ADAM32: variants seen among roughly 807,000 people sequenced by gnomAD.
ADAM32 encodes the protein ADAM metallopeptidase domain 32, also known as disintegrin and metalloproteinase domain-containing protein 32.
In ADAM32, 89 loss-of-function variants were observed where a neutral mutation model predicts 114.9. That is an observed-to-expected ratio of 0.77 (90% CI 0.65 to 0.92). The LOEUF (loss-of-function observed/expected upper bound fraction) is 0.92. Ranked by LOEUF, ADAM32 falls within the 40% of genes least tolerant of loss-of-function variation. The probability of loss-of-function intolerance (pLI) is 0.00; values close to 1 mark genes in which losing one functional copy is unlikely to be tolerated. For missense variants in ADAM32, 870 were observed against 932.8 expected (o/e 0.93, Z 0.88); for synonymous variants, 285 against 307.5 (o/e 0.93, Z 0.77).
At chr8:39,210,177 G>A (rs1321440762) in intron 11 of ADAM32, among the ~76,000 whole-genome samples, 1 of 152,142 alleles carries the variant, frequency 6.6e-6, no homozygotes, top group Non-Finnish European at 1.5e-5. Flanking sequence ...GGTTCAGCCT[G>A]GTGCTGTGTT....
At chr8:39,127,328 G>A (rs1802176912) in intron 2 of ADAM32, among the ~76,000 whole-genome samples, 2 of 152,068 alleles carry the variant, frequency 1.3e-5, no homozygotes, top group Non-Finnish European at 2.9e-5. Flanking sequence ...TTCGTTGGTA[G>A]GCTATTTATT....
chr8:39,254,597 C>T (rs1811522472), intron 18 of ADAM32, 81 bp downstream of exon 18: 1 of 1,087,486 alleles, frequency 9.2e-7, no homozygotes, highest in Non-Finnish European at 1.3e-6. Flanking sequence ...TCGATTTTTC[C>T]ACTTACAAGG....
At chr8:39,148,696 T>G (rs1803651150) in intron 4 of ADAM32, among the ~76,000 whole-genome samples, 1 of 152,202 alleles carries the variant, frequency 6.6e-6, no homozygotes, top group South Asian at 2.1e-4. Context: ...AATATTAAAT[T>G]AGATATGTTG....
At position 39,107,849 on chromosome 8, in the gene ADAM32, C is replaced by G. The variant is rs978388571; in HGVS notation, c.58+16C>G. On this transcript the variant is annotated intron_variant, in intron 1 of 24. Coordinates refer to ENST00000379907, the MANE Select transcript of ADAM32 (RefSeq NM_145004.7). ...TCAAGACCCGGTGAGCCAGCCCAGA[C>G]CCTGACACTAGTCCGGGCGCTCGTC... is the stretch of plus-strand genomic sequence containing the variant. 6.5e-7 allele frequency: 1 copy of G among 1,531,250 alleles called. No homozygotes were observed. The highest frequency in any genetic ancestry group is 1.4e-5 in the African/African-American group (1 of 72,098). The allele number at this position is 1,531,250 out of a possible 1,614,324, so 94.9% of individuals were successfully genotyped here. A position where few individuals can be genotyped will look rare whatever the true frequency, so the allele number is the denominator to read the frequency against.
At chr8:39,158,274 T>G (rs4733983) in intron 6 of ADAM32, 108,640 of 158,704 alleles carry the variant, frequency 0.68, 35,117 homozygotes, top group East Asian at 0.82. Flanking sequence ...TTCAGCTGCT[T>G]CTTGTCATCC....
intron 10 of ADAM32, among the ~76,000 whole-genome samples, chr8:39,183,760 T>C (rs1050669432): frequency 3.3e-5 from 5 of 152,256 alleles, no homozygotes; most frequent in Non-Finnish European, 7.3e-5. Flanking sequence ...GCTTCTGTGT[T>C]ACAGGACATG....
At chr8:39,108,121 A>G (rs904891902) in intron 1 of ADAM32, 2 of 324,512 alleles carry the variant, frequency 6.2e-6, no homozygotes, top group Non-Finnish European at 5.5e-6. Flanking sequence ...CATCTCTACA[A>G]AAAAATTTAA....
chr8:39,128,203 C>T (rs1802231952), intron 2 of ADAM32, among the ~76,000 whole-genome samples: 1 of 152,106 alleles, frequency 6.6e-6, no homozygotes, highest in African/African-American at 2.4e-5. Context: ...CTGGTTGTGC[C>T]TGTATTGGGT....
chr8:39,139,892 C>A (rs1397817113), intron 3 of ADAM32, among the ~76,000 whole-genome samples: 1 of 152,128 alleles, frequency 6.6e-6, no homozygotes, highest in East Asian at 1.9e-4. Context: ...TCCTTCACAT[C>A]CCTTGTAAGT....
At chr8:39,276,492 T>A (rs1448436651) in intron 22 of ADAM32, among the ~76,000 whole-genome samples, 1 of 152,176 alleles carries the variant, frequency 6.6e-6, no homozygotes, top group African/African-American at 2.4e-5. Context: ...TTTTTACTGC[T>A]CCCTCTCTGA....
chr8:39,234,223 C>G (rs762502319), intron 16 of ADAM32, 141 bp downstream of exon 16: 29 of 646,722 alleles, frequency 4.5e-5, no homozygotes, highest in Non-Finnish European at 5.8e-5. Flanking sequence ...TTAAATTAGT[C>G]TCCAAATAGT....
chr8:39,160,281 C>CTAT (rs1804415919), intron 6 of ADAM32, among the ~76,000 whole-genome samples: 1 of 152,190 alleles, frequency 6.6e-6, no homozygotes, highest in African/African-American at 2.4e-5. Flanking sequence ...TGGCTCACGC[C>CTAT]TGTAATCCCA....
intron 17 of ADAM32, among the ~76,000 whole-genome samples, chr8:39,247,719 A>G (rs977606987): frequency 1.3e-5 from 2 of 149,546 alleles, no homozygotes; most frequent in Non-Finnish European, 1.5e-5. Flanking sequence ...TATTTCTTTC[A>G]TAGATTGTGC....
chr8:39,178,109 T>G (rs1394397458), intron 10 of ADAM32, among the ~76,000 whole-genome samples: 1 of 152,224 alleles, frequency 6.6e-6, no homozygotes, highest in Non-Finnish European at 1.5e-5. Flanking sequence ...GAAGTATGTT[T>G]TCCAACTTGG....
chr8:39,264,691 A>G (rs556514609), intron 19 of ADAM32, among the ~76,000 whole-genome samples: 66 of 152,294 alleles, frequency 4.3e-4, no homozygotes, highest in African/African-American at 1.5e-3. Flanking sequence ...ATTTAGCACT[A>G]TAAACTTTCC....
intron 11 of ADAM32, among the ~76,000 whole-genome samples, chr8:39,195,444 T>A (rs1285284321): frequency 1.3e-5 from 2 of 152,196 alleles, no homozygotes; most frequent in African/African-American, 4.8e-5. Flanking sequence ...TTAATAGAGT[T>A]CCATTAGTCT....
chr8:39,141,203 G>C (rs1167859066), intron 3 of ADAM32, among the ~76,000 whole-genome samples: 1 of 152,100 alleles, frequency 6.6e-6, no homozygotes, highest in Non-Finnish European at 1.5e-5. Flanking sequence ...GTTCTGCTCT[G>C]ATCTTAGTTA....
intron 17 of ADAM32, among the ~76,000 whole-genome samples, chr8:39,253,725 C>G (rs1286604568): frequency 6.6e-6 from 1 of 151,382 alleles, no homozygotes; most frequent in African/African-American, 2.4e-5. Flanking sequence ...AGGTGAACGA[C>G]TTGTACACTG....
chr8:39,196,924 T>A (rs907942166), intron 11 of ADAM32, among the ~76,000 whole-genome samples: 3 of 152,136 alleles, frequency 2.0e-5, no homozygotes, highest in African/African-American at 7.2e-5. Context: ...TGGTGTTAGT[T>A]CTTCCTTATA....
Sources: gnomAD v4.1 joint callset for allele counts (sites outside exome capture counted in the v4.1 genomes callset) on GRCh38, gnomAD v4.1.1 for gene constraint, MANE v1.5 for transcripts, NCBI Gene and HGNC (gene_info 2026-07-23, HGNC 2026-07-21) for gene names.